NR2F1-AS1: variants seen among roughly 807,000 people sequenced by gnomAD.
The protein encoded by NR2F1-AS1 is NR2F1 antisense RNA 1.
chr5:93,483,490 G>GA (rs1176346870), intron 4 of NR2F1-AS1, among the ~76,000 whole-genome samples: 1 of 152,064 alleles, frequency 6.6e-6, no homozygotes, highest in African/African-American at 2.4e-5. Flanking sequence ...TGAAGATAAG[G>GA]AAAAAACAGC....
intron 4 of NR2F1-AS1, among the ~76,000 whole-genome samples, chr5:93,504,858 C>T (rs1305584087): frequency 6.6e-6 from 1 of 152,054 alleles, no homozygotes; most frequent in African/African-American, 2.4e-5. Context: ...GGGACACAGC[C>T]AAACCATATC....
intron 4 of NR2F1-AS1, among the ~76,000 whole-genome samples, chr5:93,473,774 T>C (rs1023523217): frequency 6.6e-6 from 1 of 151,770 alleles, no homozygotes; most frequent in African/African-American, 2.4e-5. Context: ...CAGACTCTGG[T>C]TGATATTCTG....
intron 4 of NR2F1-AS1, among the ~76,000 whole-genome samples, chr5:93,474,730 C>T (rs987048693): frequency 6.6e-6 from 1 of 152,206 alleles, no homozygotes; most frequent in Non-Finnish European, 1.5e-5. Context: ...CTAATCATGA[C>T]TCTCATGACT....
chr5:93,476,695 T>C (rs1037690162), intron 4 of NR2F1-AS1, among the ~76,000 whole-genome samples: 1 of 152,210 alleles, frequency 6.6e-6, no homozygotes, highest in African/African-American at 2.4e-5. Context: ...TGTTTGCTTA[T>C]GGTATCTCAT....
intron 4 of NR2F1-AS1, among the ~76,000 whole-genome samples, chr5:93,510,785 T>A (rs1751278786): frequency 6.6e-6 from 1 of 152,178 alleles, no homozygotes; most frequent in African/African-American, 2.4e-5. Flanking sequence ...AAGAATTAGG[T>A]CTCTCTGTGC....
intron 4 of NR2F1-AS1, among the ~76,000 whole-genome samples, chr5:93,551,448 T>C (rs1387611097): frequency 6.6e-6 from 1 of 152,084 alleles, no homozygotes; most frequent in Non-Finnish European, 1.5e-5. Flanking sequence ...AATCAACTTA[T>C]AGCCTGACAT....
At chr5:93,432,145 T>C (rs766783596) in intron 4 of NR2F1-AS1, among the ~76,000 whole-genome samples, 31 of 152,160 alleles carry the variant, frequency 2.0e-4, no homozygotes, top group Admixed American at 4.6e-4. Context: ...GTGCTTTTCA[T>C]TGGGCAGAAC....
chr5:93,569,240 G>A (rs1051856116), intron 1 of NR2F1-AS1, among the ~76,000 whole-genome samples: 4 of 152,120 alleles, frequency 2.6e-5, no homozygotes, highest in African/African-American at 9.7e-5. Context: ...AGAGAAGGGA[G>A]AAAATAGAAA....
intron 4 of NR2F1-AS1, among the ~76,000 whole-genome samples, chr5:93,454,760 T>C (rs559876822): frequency 1.3e-5 from 2 of 152,230 alleles, no homozygotes; most frequent in South Asian, 4.2e-4. Flanking sequence ...TAATCAATCA[T>C]GCCTACATGA....
intron 4 of NR2F1-AS1, among the ~76,000 whole-genome samples, chr5:93,504,628 G>A (rs1428596338): frequency 6.6e-6 from 1 of 151,960 alleles, no homozygotes; most frequent in Non-Finnish European, 1.5e-5. Flanking sequence ...GAATCACGGT[G>A]GGAGGCAAAA....
intron 4 of NR2F1-AS1, among the ~76,000 whole-genome samples, chr5:93,522,965 T>C (rs1484996015): frequency 1.3e-5 from 2 of 151,456 alleles, no homozygotes; most frequent in Non-Finnish European, 2.9e-5. Context: ...TTTTTTTTCA[T>C]ATCCCAGTGG....
chr5:93,422,713 C>G (rs1054974325), intron 4 of NR2F1-AS1, among the ~76,000 whole-genome samples: 1 of 152,106 alleles, frequency 6.6e-6, no homozygotes, highest in Non-Finnish European at 1.5e-5. Flanking sequence ...TTAAATGTGT[C>G]CCCTACCTCA....
At chr5:93,526,144 A>G (rs188446631) in intron 4 of NR2F1-AS1, among the ~76,000 whole-genome samples, 3 of 152,326 alleles carry the variant, frequency 2.0e-5, no homozygotes, top group South Asian at 2.1e-4. Flanking sequence ...GAAGAATCAA[A>G]TAAACACAAT....
intron 4 of NR2F1-AS1, among the ~76,000 whole-genome samples, chr5:93,452,540 G>A (rs1749859357): frequency 6.6e-6 from 1 of 152,152 alleles, no homozygotes; most frequent in South Asian, 2.1e-4. Flanking sequence ...AATGGAAAGA[G>A]AACTCTGAAG....
upstream of NR2F1-AS1, among the ~76,000 whole-genome samples, chr5:93,581,590 C>A (rs1209923428): frequency 6.6e-6 from 1 of 151,634 alleles, no homozygotes; most frequent in East Asian, 2.0e-4. Flanking sequence ...CCTGCAAGCC[C>A]CGCCGCGGGA....
chr5:93,462,929 T>C (rs1305723027), intron 4 of NR2F1-AS1, among the ~76,000 whole-genome samples: 1 of 152,140 alleles, frequency 6.6e-6, no homozygotes, highest in African/African-American at 2.4e-5. Flanking sequence ...ACAGAGCACA[T>C]AAGTTCAGAA....
At chr5:93,546,276 T>C (rs528476646) in intron 4 of NR2F1-AS1, among the ~76,000 whole-genome samples, 153 of 152,302 alleles carry the variant, frequency 1.0e-3, no homozygotes, top group Non-Finnish European at 1.7e-3. Flanking sequence ...TTTCTACTTA[T>C]AGATTAAATA....
At chr5:93,462,440 C>T (rs1750116906) in intron 4 of NR2F1-AS1, among the ~76,000 whole-genome samples, 1 of 152,082 alleles carries the variant, frequency 6.6e-6, no homozygotes, top group Admixed American at 6.6e-5. Context: ...ATAAATTATG[C>T]AGTCTTTAGT....
intron 4 of NR2F1-AS1, among the ~76,000 whole-genome samples, chr5:93,474,089 C>A (rs1580257209): frequency 6.6e-6 from 1 of 152,014 alleles, no homozygotes; most frequent in African/African-American, 2.4e-5. Context: ...TTAACTAAAT[C>A]AGTTGAGTTA....
Sources: gnomAD v4.1 joint callset for allele counts (sites outside exome capture counted in the v4.1 genomes callset) on GRCh38, gnomAD v4.1.1 for gene constraint, MANE v1.5 for transcripts, NCBI Gene and HGNC (gene_info 2026-07-23, HGNC 2026-07-21) for gene names.